Variants in KAZN observed in about 807,000 individuals in gnomAD.
KAZN encodes the protein kazrin.
Under a neutral mutation model 87.4 loss-of-function variants are expected in KAZN, and 40 were observed. That is an observed-to-expected ratio of 0.46 (90% CI 0.36 to 0.60). KAZN has a LOEUF of 0.60. Among genes scored for constraint, KAZN ranks in the 20% least tolerant of loss-of-function variants. The pLI, the probability that KAZN is intolerant of heterozygous loss-of-function variation, is 0.00. For missense variants in KAZN, 898 were observed against 1,073.9 expected (o/e 0.84, Z 2.29); for synonymous variants, 466 against 458.3 (o/e 1.02, Z -0.22).
chr1:14,205,468 T>A (rs1380222374), intron 2 of KAZN, among the ~76,000 whole-genome samples: 1 of 152,190 alleles, frequency 6.6e-6, no homozygotes, highest in Non-Finnish European at 1.5e-5. Context: ...TGCATCATAA[T>A]TGTTAGAAAT....
chr1:14,493,374 A>AG (rs891152551), intron 2 of KAZN, among the ~76,000 whole-genome samples: 12 of 152,204 alleles, frequency 7.9e-5, no homozygotes, highest in African/African-American at 2.4e-4. Context: ...GACTTGGACA[A>AG]GGGGGCTCCC....
intron 2 of KAZN, among the ~76,000 whole-genome samples, chr1:14,287,135 A>G (rs1484742939): frequency 6.6e-6 from 1 of 152,226 alleles, no homozygotes; most frequent in Non-Finnish European, 1.5e-5. Context: ...GCCACGGGTT[A>G]GGGAAATCCA....
intron 2 of KAZN, among the ~76,000 whole-genome samples, chr1:14,540,326 A>G (rs892358051): frequency 2.6e-5 from 4 of 152,166 alleles, no homozygotes; most frequent in Non-Finnish European, 5.9e-5. Context: ...TTCCTCTCTT[A>G]GGTGAGCCTG....
At chr1:14,642,061 C>T (rs900793729) in intron 1 of KAZN, among the ~76,000 whole-genome samples, 3 of 152,104 alleles carry the variant, frequency 2.0e-5, no homozygotes, top group South Asian at 4.2e-4. Flanking sequence ...CAAAGAAGCT[C>T]GAAAAGATGC....
chr1:14,313,940 G>A (rs1237288647), intron 2 of KAZN, among the ~76,000 whole-genome samples: 4 of 152,102 alleles, frequency 2.6e-5, no homozygotes, highest in African/African-American at 9.7e-5. Context: ...AGTGGAAAAT[G>A]AGGCTAATAA....
intron 1 of KAZN, among the ~76,000 whole-genome samples, chr1:14,101,804 A>C (rs1644253381): frequency 1.3e-5 from 2 of 152,360 alleles, no homozygotes; most frequent in East Asian, 3.9e-4. Context: ...CAGGATAAAC[A>C]TCTTCCTTAT....
intron 1 of KAZN, among the ~76,000 whole-genome samples, chr1:13,993,658 C>T (rs1329542965): frequency 5.3e-5 from 8 of 152,194 alleles, no homozygotes; most frequent in Non-Finnish European, 4.4e-5. Flanking sequence ...GGAGCTTTCC[C>T]TCTTGTTGGG....
chr1:14,030,240 G>A (rs1190503537), intron 1 of KAZN, among the ~76,000 whole-genome samples: 1 of 151,700 alleles, frequency 6.6e-6, no homozygotes, highest in Admixed American at 6.6e-5. Flanking sequence ...TGAAGCAATT[G>A]TGAATGGGAG....
chr1:14,002,239 CAT>C (rs1345782614), intron 1 of KAZN, among the ~76,000 whole-genome samples: 1 of 152,126 alleles, frequency 6.6e-6, no homozygotes, highest in Non-Finnish European at 1.5e-5. Flanking sequence ...GGCCAACAAA[CAT>C]ATGAAAAAAA....
chr1:14,196,424 C>T (rs1000683128), intron 2 of KAZN, among the ~76,000 whole-genome samples: 1 of 152,070 alleles, frequency 6.6e-6, no homozygotes, highest in Non-Finnish European at 1.5e-5. Context: ...ATTACCTCTC[C>T]AAGGTGGTGA....
chr1:14,513,260 G>A (rs1273111684), intron 2 of KAZN, among the ~76,000 whole-genome samples: 1 of 152,092 alleles, frequency 6.6e-6, no homozygotes, highest in Non-Finnish European at 1.5e-5. Context: ...GTGTTAGCCG[G>A]TCCCTCTCCT....
In KAZN at chr1:15,056,162, G is replaced by T. The variant is rs1049826717; in HGVS notation, c.798G>T (p.Thr266=). The T allele has an allele frequency of 1.2e-6, 2 of 1,614,072 alleles. No individual in the cohort carries two copies. Among genetic ancestry groups the T allele is most frequent in the Admixed American group, 1.7e-5 (1 of 60,016 alleles). ...ATTCCCTCGCCATGCCGGGCGAGAC[G>T]GTGCTCAATGGCAACCAGGAGTGGG... ...KRHSLAMPGE[T]VLNGNQEWVV... Residue 266 remains threonine, a synonymous_variant, in exon 5 of 15, where the codon ACG becomes ACT. Transcript: ENST00000376030. This position sits in a 1 kb window ranked among gnomAD's most constrained non-coding sequence, Gnocchi z 5.4.
chr1:14,103,619 CCTT>C (rs935621787), intron 1 of KAZN, among the ~76,000 whole-genome samples: 13 of 152,152 alleles, frequency 8.5e-5, no homozygotes, highest in African/African-American at 2.9e-4. Flanking sequence ...GCCAGTGAGT[CCTT>C]CTCACATTGC....
At position 15,034,821 on chromosome 1, in the gene KAZN, C is replaced by T. The variant is rs550795273; in HGVS notation, c.491C>T (p.Ala164Val). ...DLVSQMQQLYATLESREEQLR... is the reference protein window; with the variant it reads ...DLVSQMQQLYVTLESREEQLR... Reference sequence around the variant, plus strand: ...GTGAGCCAGATGCAGCAGCTGTATGCCACACTGGAGAGCCGCGAGGAGCAG... The same window carrying T: ...GTGAGCCAGATGCAGCAGCTGTATGTCACACTGGAGAGCCGCGAGGAGCAG... The change falls in exon 3 of 15, where the codon GCC becomes GTC. Residue 164 changes from alanine to valine, a missense_variant. This residue lies in a region of KAZN where 250 missense variants were observed against 263.0 expected (regional missense o/e 0.95). Coordinates refer to ENST00000376030, the MANE Select transcript of KAZN (RefSeq NM_201628.3). The T allele has an allele frequency of 3.1e-6, 5 of 1,613,976 alleles. No homozygotes were observed. In the Admixed American group the frequency reaches 6.7e-5, roughly 22 times the overall value.
chr1:14,928,068 C>T (rs1659362275), intron 1 of KAZN, among the ~76,000 whole-genome samples: 1 of 152,132 alleles, frequency 6.6e-6, no homozygotes, highest in Non-Finnish European at 1.5e-5. Context: ...CCCAAAGCCA[C>T]ACAGCCAGTG....
At chr1:14,129,786 C>CGA (rs368359419) in intron 1 of KAZN, among the ~76,000 whole-genome samples, 7 of 151,806 alleles carry the variant, frequency 4.6e-5, no homozygotes, top group Admixed American at 2.0e-4. Flanking sequence ...AGCGAGTGAG[C>CGA]GAGAGAGAGA....
intron 1 of KAZN, among the ~76,000 whole-genome samples, chr1:13,906,933 G>A (rs1639459997): frequency 6.6e-6 from 1 of 152,148 alleles, no homozygotes; most frequent in Non-Finnish European, 1.5e-5. Context: ...ATGCTTGTTG[G>A]GATTCTTCGG....
At chr1:14,118,560 G>A (rs1644680042) in intron 1 of KAZN, among the ~76,000 whole-genome samples, 1 of 152,212 alleles carries the variant, frequency 6.6e-6, no homozygotes, top group Non-Finnish European at 1.5e-5. Context: ...GCACTGTATA[G>A]GCAATGGAAA....
chr1:15,089,083 T>A (rs1329314449), intron 8 of KAZN, among the ~76,000 whole-genome samples: 1 of 151,998 alleles, frequency 6.6e-6, no homozygotes, highest in African/African-American at 2.4e-5. Context: ...CTCGACTCCC[T>A]CTCTCCCTCT....
Sources: allele counts gnomAD v4.1 joint callset (sites outside exome capture counted in the v4.1 genomes callset), GRCh38; gene constraint gnomAD v4.1.1; regional missense constraint gnomAD v4.1.1; non-coding constraint Gnocchi (gnomAD v3.1); transcripts MANE v1.5; gene names NCBI Gene and HGNC (gene_info 2026-07-23, HGNC 2026-07-21).